SNAP29: variants seen among roughly 807,000 people sequenced by gnomAD.
SNAP29 encodes synaptosomal-associated protein 29.
A neutral mutation model predicts 27.9 loss-of-function variants in SNAP29; 13 were observed. That is an observed-to-expected ratio of 0.47 (90% CI 0.30 to 0.74). SNAP29 has a LOEUF of 0.74. Ranked by LOEUF, SNAP29 falls within the 30% of genes least tolerant of loss-of-function variation. The pLI, the probability that SNAP29 is intolerant of heterozygous loss-of-function variation, is 0.06. For missense variants in SNAP29, 368 were observed against 336.5 expected (o/e 1.09, Z -0.73); for synonymous variants, 119 against 127.1 (o/e 0.94, Z 0.43).
At chr22:20,863,462 G>C (rs1569114758) in intron 1 of SNAP29, among the ~76,000 whole-genome samples, 2 of 152,206 alleles carry the variant, frequency 1.3e-5, no homozygotes, top group South Asian at 4.1e-4. Flanking sequence ...CTCTAGCAAA[G>C]AGAGCTGCCC....
chr22:20,859,182 T>C lies in SNAP29; in HGVS notation c.72T>C (p.Pro24=). 6.2e-7 allele frequency: 1 copy of C among 1,604,154 alleles called. No homozygotes were observed. Among genetic ancestry groups the C allele is most frequent in the African/African-American group, 1.3e-5 (1 of 74,972 alleles). Reference sequence around the variant, plus strand: ...AGGACGAAGGCGCCCGGCCGGCCCCTTGGAGGGACGCCCGAGACCTCCCCG... The same window carrying C: ...AGGACGAAGGCGCCCGGCCGGCCCCCTGGAGGGACGCCCGAGACCTCCCCG... ...DGEDEGARPA[P]WRDARDLPDG... Residue 24 remains proline (P), a synonymous_variant, in exon 1 of 5, where the codon CCT becomes CCC. Coordinates refer to ENST00000215730, the MANE Select transcript of SNAP29 (RefSeq NM_004782.4).
At chr22:20,859,559 T>C in intron 1 of SNAP29, 1 of 592,400 alleles carries the variant, frequency 1.7e-6, no homozygotes, top group East Asian at 2.9e-5. Flanking sequence ...CCAGAAATCT[T>C]CCTTAGCTAT....
rs556805960 is a variant in SNAP29, at chr22:20,875,876, G to C, written c.435-5173G>C. 6.6e-5 allele frequency among the ~76,000 whole-genome samples: 10 copies of C among 152,192 alleles called. No individual in the cohort carries two copies. The South Asian group carries it at 2.1e-3, about 32-fold the overall frequency. On this transcript the variant is annotated intron_variant, in intron 2 of 4. Coordinates refer to ENST00000215730, the MANE Select transcript of SNAP29 (RefSeq NM_004782.4). ...GGACGACCAAAAAAAAAAATGGGGG[G>C]GCGGCTGGGTGCAGTGGCTCACGCC...
chr22:20,876,737 T>G (rs1164038377), intron 2 of SNAP29, among the ~76,000 whole-genome samples: 1 of 151,826 alleles, frequency 6.6e-6, no homozygotes, highest in Admixed American at 6.6e-5. Flanking sequence ...CCGGCTAAAT[T>G]TTTTTTGTAT....
At chr22:20,865,622 G>A (rs974027695) in intron 1 of SNAP29, among the ~76,000 whole-genome samples, 2 of 152,174 alleles carry the variant, frequency 1.3e-5, no homozygotes, top group Admixed American at 6.5e-5. Flanking sequence ...GGTGTTTGGG[G>A]GTTCCCAAGA....
At chr22:20,868,066 T>C (rs138417429) in intron 1 of SNAP29, among the ~76,000 whole-genome samples, 121 of 152,306 alleles carry the variant, frequency 7.9e-4, no homozygotes, top group Non-Finnish European at 8.1e-4. Flanking sequence ...CAGAAAAACA[T>C]GTAGATGCTG....
Position 20,881,060 on chromosome 22 carries a change from C to A in SNAP29, c.446C>A (p.Ala149Asp). The stretch of plus-strand genomic sequence containing the variant: ...ACTTTTATCCAAAGATTGAAAGAAG[C>A]TATAAGTACAAGTAAAGAACAGGAA... ...TSQPNNRLKE[A>D]ISTSKEQEAK... Residue 149 changes from alanine to aspartate, a missense_variant, in exon 3 of 5, where the codon GCT becomes GAT. Transcript: ENST00000215730. 1 of 1,609,264 alleles carries A rather than the reference C, an allele frequency of 6.2e-7. No homozygotes were observed. Among genetic ancestry groups the A allele is most frequent in the East Asian group, 2.2e-5 (1 of 44,862 alleles).
intron 2 of SNAP29, among the ~76,000 whole-genome samples, chr22:20,875,516 C>T (rs914937337): frequency 2.0e-5 from 3 of 152,138 alleles, no homozygotes; most frequent in African/African-American, 7.2e-5. Context: ...GCCCTGGGAA[C>T]AGAGGAAGGC....
chr22:20,874,081 C>T (rs1026075569), intron 2 of SNAP29, among the ~76,000 whole-genome samples: 4 of 150,924 alleles, frequency 2.7e-5, no homozygotes, highest in Non-Finnish European at 5.9e-5. Flanking sequence ...TGAGACCATC[C>T]TGGCTAACAC....
intron 4 of SNAP29, 44 bp from the exon 5 acceptor site, chr22:20,887,635 G>A (rs201886080): frequency 6.4e-4 from 1,033 of 1,612,180 alleles, no homozygotes; most frequent in Non-Finnish European, 7.5e-4. Flanking sequence ...TGCAGGTGCC[G>A]TGACTGTTTG....
chr22:20,864,571 A>C (rs955833401), intron 1 of SNAP29, among the ~76,000 whole-genome samples: 1 of 152,176 alleles, frequency 6.6e-6, no homozygotes, highest in African/African-American at 2.4e-5. Context: ...CACCCCTCTG[A>C]GGCAGCGTGT....
Position 20,887,787 on chromosome 22 carries a change from A to C in SNAP29, c.728A>C (p.Lys243Thr). 1.2e-6 allele frequency: 2 copies of C among 1,614,228 alleles called. No homozygotes were observed. Among genetic ancestry groups the C allele is most frequent in the Non-Finnish European group, 1.7e-6 (2 of 1,180,034 alleles). The change falls in exon 5 of 5, where the codon AAG (lysine) becomes ACG (threonine). Residue 243 changes from lysine (K) to threonine (T), a missense_variant. Transcript: ENST00000215730. Reference sequence around the variant, plus strand: ...GACCGGCTGACAACCAAAGTGGACAAGTTAGATGTCAACATAAAAAGCACA... The same window carrying C: ...GACCGGCTGACAACCAAAGTGGACACGTTAGATGTCAACATAAAAAGCACA... ...ILDRLTTKVD[K>T]LDVNIKSTER...
intron 4 of SNAP29, among the ~76,000 whole-genome samples, chr22:20,887,019 C>G (rs534486341): frequency 7.6e-4 from 115 of 152,020 alleles, no homozygotes; most frequent in African/African-American, 2.7e-3. Context: ...GTAAGGAGTT[C>G]GAGACCAGCC....
intron 2 of SNAP29, among the ~76,000 whole-genome samples, chr22:20,876,143 A>G (rs1194329555): frequency 6.6e-6 from 1 of 151,514 alleles, no homozygotes; most frequent in African/African-American, 2.4e-5. Flanking sequence ...CCTGGGCGAC[A>G]GAGACTCCAT....
chr22:20,859,436 A>C lies in SNAP29; in HGVS notation c.237+89A>C, dbSNP rs1465801438. The C allele has an allele frequency of 1.2e-5, 12 of 1,003,804 alleles. No homozygotes were observed. In the African/African-American group the frequency reaches 1.6e-4, roughly 13 times the overall value. 62.2% of individuals were successfully genotyped at this position (1,003,804 alleles called of 1,614,324 possible). ...ATGTTTTGCTCACAATCTTTTGAGA[A>C]TTCTCAAGTTGCCTAGCATAGATTC... is the stretch of plus-strand genomic sequence containing the variant. On this transcript the variant is annotated intron_variant, in intron 1 of 4. Transcript: ENST00000215730.
intron 2 of SNAP29, 48 bp downstream of exon 2, chr22:20,870,581 T>G (rs1928568138): frequency 6.4e-7 from 1 of 1,552,498 alleles, no homozygotes; most frequent in African/African-American, 1.4e-5. Context: ...GAAGTGGGGA[T>G]TAGTGCAAAT....
chr22:20,885,036 A>G (rs1462182564), intron 4 of SNAP29, among the ~76,000 whole-genome samples: 1 of 152,108 alleles, frequency 6.6e-6, no homozygotes. Context: ...CGGCCTCCCA[A>G]AGTGCTGGGA....
Position 20,890,119 on chromosome 22 carries a change from G to T in SNAP29, c.*2283G>T. On this transcript the variant is annotated 3_prime_UTR_variant, in exon 5 of 5. Coordinates refer to ENST00000215730, the MANE Select transcript of SNAP29 (RefSeq NM_004782.4). ...TCCGTAAGCTACAGGACAGCGAGCT[G>T]GTCCTTTCTGCCACTTCTTCCCCAC... 1 of 396,302 alleles carries T rather than the reference G, an allele frequency of 2.5e-6. No homozygotes were observed. Among genetic ancestry groups the T allele is most frequent in the South Asian group, 1.4e-4 (1 of 7,030 alleles). 24.5% of individuals were successfully genotyped at this position (396,302 alleles called of 1,614,324 possible). A position where few individuals can be genotyped will look rare whatever the true frequency, so the allele number is the denominator to read the frequency against.
chr22:20,886,253 G>T (rs1929013152), intron 4 of SNAP29, among the ~76,000 whole-genome samples: 1 of 151,882 alleles, frequency 6.6e-6, no homozygotes, highest in Admixed American at 6.6e-5. Flanking sequence ...CTCCCAGAGT[G>T]CTGGGATTAC....
Sources: allele counts gnomAD v4.1 joint callset (sites outside exome capture counted in the v4.1 genomes callset), GRCh38; gene constraint gnomAD v4.1.1; transcripts MANE v1.5; gene names NCBI Gene and HGNC (gene_info 2026-07-23, HGNC 2026-07-21).